The following DMD variants were observed in gnomAD, a reference collection of about 807,000 sequenced individuals.
DMD encodes the protein mutant dystrophin.
Under a neutral mutation model 330.1 loss-of-function variants are expected in DMD, and 63 were observed. The observed-to-expected ratio is 0.19, with a 90% CI of 0.16 to 0.24. The LOEUF (loss-of-function observed/expected upper bound fraction) is 0.24. Among genes scored for constraint, DMD ranks in the 10% least tolerant of loss-of-function variants. The pLI, the probability that DMD is intolerant of heterozygous loss-of-function variation, is 1.00. For synonymous variants in DMD, 1,223 were observed against 959.8 expected, an observed-to-expected ratio of 1.27 and a Z score of -5.07; for missense variants, 3,344 against 2,684.1, an observed-to-expected ratio of 1.25 and a Z score of -5.43.
chrX:31,340,970 G>A (rs2057698925), intron 61 of DMD, among the ~76,000 whole-genome samples: 1 of 112,032 alleles, frequency 8.9e-6, no homozygotes, highest in Admixed American at 9.5e-5. Context: ...CTATTGAGCC[G>A]TTCTAATGTG....
At chrX:33,108,394 A>C (rs1460548201) in intron 1 of DMD, among the ~76,000 whole-genome samples, 1 of 110,090 alleles carries the variant, frequency 9.1e-6, no homozygotes, top group Non-Finnish European at 1.9e-5. Flanking sequence ...AGCACCCCCG[A>C]GTAGCTGGGA....
At chrX:32,457,427 A>G (rs1003636133) in intron 25 of DMD, among the ~76,000 whole-genome samples, 6 of 110,946 alleles carry the variant, frequency 5.4e-5, no homozygotes, top group African/African-American at 2.0e-4. Context: ...AGGAGATATT[A>G]CAGAATAATT....
At chrX:31,852,526 G>C (rs968785220) in intron 48 of DMD, among the ~76,000 whole-genome samples, 1 of 111,130 alleles carries the variant, frequency 9.0e-6, no homozygotes, top group South Asian at 3.8e-4. Context: ...ATCCTAGCAT[G>C]AATTGACTAT....
At chrX:33,301,683 C>T (rs2053664646) in intron 1 of DMD, among the ~76,000 whole-genome samples, 1 of 111,433 alleles carries the variant, frequency 9.0e-6, no homozygotes, top group African/African-American at 3.3e-5. Flanking sequence ...TTGCATCCTC[C>T]AGAGAGAAGG....
chrX:31,328,348 G>A (rs1006491359), intron 61 of DMD, among the ~76,000 whole-genome samples: 1 of 110,996 alleles, frequency 9.0e-6, no homozygotes, highest in African/African-American at 3.4e-5. Flanking sequence ...TAAGTGTAAA[G>A]AGAAAAATCA....
chrX:31,171,825 T>G (rs1433121406), intron 73 of DMD, among the ~76,000 whole-genome samples: 3 of 111,830 alleles, frequency 2.7e-5, no homozygotes, highest in African/African-American at 9.7e-5. Context: ...CTGGAAACTC[T>G]TCATAAGATT....
intron 9 of DMD, among the ~76,000 whole-genome samples, chrX:32,685,317 G>C (rs1178709875): frequency 2.7e-5 from 3 of 111,246 alleles, no homozygotes; most frequent in Non-Finnish European, 5.7e-5. Context: ...GACTTTTTCA[G>C]GTATTATAAA....
At position 31,223,104 on chromosome X, in the gene DMD, T is replaced by G; in HGVS notation, c.9304A>C (p.Arg3102=). 5 of 1,210,760 alleles carry G rather than the reference T, an allele frequency of 4.1e-6. No homozygotes were observed. Among genetic ancestry groups the G allele is most frequent in the Non-Finnish European group, 5.6e-6 (5 of 894,496 alleles). The change falls in exon 64 of 79, where the codon AGA becomes CGA. Residue 3102 remains arginine, a synonymous_variant. Coordinates refer to ENST00000357033, the MANE Select transcript of DMD (RefSeq NM_004006.3). ...YQSLADLNNV[R]FSAYRTAMKL... is the part of the protein sequence containing the mutation. ...ATGGCAGTCCTATAAGCTGAGAATCTGACATTATTCAGGTCAGCTGAAAAG... is the reference window on the plus strand; with the variant it reads ...ATGGCAGTCCTATAAGCTGAGAATCGGACATTATTCAGGTCAGCTGAAAAG...
chrX:31,242,654 G>C (rs1359589374), intron 63 of DMD, among the ~76,000 whole-genome samples: 2 of 108,393 alleles, frequency 1.8e-5, no homozygotes, highest in African/African-American at 6.7e-5. Flanking sequence ...TTTTTTCAAA[G>C]GATTTCTTAT....
intron 44 of DMD, among the ~76,000 whole-genome samples, chrX:32,199,829 T>TGTGTGTGTGTGTGTGTG (rs2097025630): frequency 9.8e-6 from 1 of 102,431 alleles, no homozygotes; most frequent in African/African-American, 3.6e-5. Flanking sequence ...TGTGTGTGTA[T>TGTGTGTGTGTGTGTGTG]TTTTAGTAGA....
At chrX:32,293,877 A>G (rs2097484377) in intron 42 of DMD, among the ~76,000 whole-genome samples, 1 of 111,788 alleles carries the variant, frequency 8.9e-6, no homozygotes. Flanking sequence ...AATACCTGTT[A>G]TTAATGCCCT....
chrX:32,839,741 T>C (rs867140488), intron 4 of DMD, among the ~76,000 whole-genome samples: 1 of 109,135 alleles, frequency 9.2e-6, no homozygotes, highest in Non-Finnish European at 1.9e-5. Flanking sequence ...TTTTTTTTTT[T>C]TCACTCTGTG....
intron 41 of DMD, among the ~76,000 whole-genome samples, chrX:32,331,325 C>G (rs1220797335): frequency 9.0e-6 from 1 of 111,380 alleles, no homozygotes; most frequent in African/African-American, 3.3e-5. Context: ...TTGTAGCATT[C>G]AAATAAAGAT....
intron 60 of DMD, 66 bp from the exon 61 acceptor site, chrX:31,348,700 T>C (rs776756242): frequency 2.1e-6 from 2 of 953,105 alleles, no homozygotes; most frequent in Non-Finnish European, 3.0e-6. Flanking sequence ...TAAAACAATG[T>C]ATCCTTTCTG....
At chrX:32,424,610 T>C (rs753526153) in intron 29 of DMD, among the ~76,000 whole-genome samples, 77 of 111,142 alleles carry the variant, frequency 6.9e-4, no homozygotes, top group Non-Finnish European at 6.2e-4. Flanking sequence ...AGCCCATGCT[T>C]GGTTTAATGC....
chrX:32,851,101 A>G (rs1054612929), intron 2 of DMD, among the ~76,000 whole-genome samples: 5 of 111,644 alleles, frequency 4.5e-5, no homozygotes, highest in African/African-American at 1.6e-4. Context: ...CACTCCTTGG[A>G]TCACATATAA....
intron 1 of DMD, among the ~76,000 whole-genome samples, chrX:33,076,074 G>A (rs1326368904): frequency 3.6e-5 from 4 of 111,256 alleles, no homozygotes; most frequent in African/African-American, 1.3e-4. Flanking sequence ...CCCTGCACTC[G>A]ATGGATCAAC....
intron 1 of DMD, among the ~76,000 whole-genome samples, chrX:33,334,809 G>T (rs1485865565): frequency 9.0e-6 from 1 of 111,109 alleles, no homozygotes; most frequent in Admixed American, 9.7e-5. Context: ...TAAAAGAAAT[G>T]ATTGGACTCA....
chrX:32,784,913 A>G (rs7049846), intron 7 of DMD, among the ~76,000 whole-genome samples: 2,322 of 111,373 alleles, frequency 0.021, 50 homozygotes, highest in African/African-American at 0.072. Context: ...GGCAGACTGT[A>G]TATCTTTTAC....
Sources: gnomAD v4.1 joint callset for allele counts (sites outside exome capture counted in the v4.1 genomes callset) on GRCh38, gnomAD v4.1.1 for gene constraint, MANE v1.5 for transcripts, NCBI Gene and HGNC (gene_info 2026-07-23, HGNC 2026-07-21) for gene names.